Variants in BPIFB1 observed in about 807,000 individuals in gnomAD.
BPIFB1 encodes the protein BPI fold containing family B member 1.
BPIFB1 carries 34 observed loss-of-function variants against 55.1 expected under a neutral mutation model. That is an observed-to-expected ratio of 0.62 (90% CI 0.47 to 0.82). The LOEUF is 0.82. Among genes scored for constraint, BPIFB1 ranks in the 40% least tolerant of loss-of-function variants. The probability of loss-of-function intolerance (pLI) is 0.00; values close to 1 mark genes in which losing one functional copy is unlikely to be tolerated. For missense variants in BPIFB1, 532 were observed against 593.1 expected (o/e 0.90, Z 1.07); for synonymous variants, 236 against 245.3 (o/e 0.96, Z 0.35).
chr20:33,296,772 A>C (rs1316348419), intron 6 of BPIFB1, among the ~76,000 whole-genome samples: 1 of 152,224 alleles, frequency 6.6e-6, no homozygotes, highest in Admixed American at 6.5e-5. Context: ...CCAGTGAGCA[A>C]AGGGATGTGT....
In BPIFB1 at chr20:33,291,126, A is replaced by G. The variant is rs1980458507; in HGVS notation, c.515+20A>G. On this transcript the variant is annotated intron_variant, in intron 5 of 15. Coordinates refer to ENST00000253354, the MANE Select transcript of BPIFB1 (RefSeq NM_033197.3). Reference sequence around the variant, plus strand: ...GCATAAGTGAGTGTCGCTGGCCACCAGCCGGGCTCCCATCCTGCCTGGAAG... The same window carrying G: ...GCATAAGTGAGTGTCGCTGGCCACCGGCCGGGCTCCCATCCTGCCTGGAAG... 6.2e-7 allele frequency: 1 copy of G among 1,606,348 alleles called. No homozygotes were observed. Among genetic ancestry groups the G allele is most frequent in the Non-Finnish European group, 8.5e-7 (1 of 1,179,710 alleles).
At chr20:33,289,395 C>A (rs58573908) in intron 3 of BPIFB1, among the ~76,000 whole-genome samples, 26,427 of 102,036 alleles carry the variant, frequency 0.26, 2,530 homozygotes, top group African/African-American at 0.32. Context: ...AAAAAAAAAA[C>A]AAAAAAAAAA....
intron 6 of BPIFB1, among the ~76,000 whole-genome samples, chr20:33,295,524 G>A (rs1980608187): frequency 6.6e-6 from 1 of 151,776 alleles, no homozygotes; most frequent in South Asian, 2.1e-4. Flanking sequence ...GAGAATCAGA[G>A]AGGATGAGGC....
chr20:33,295,468 T>A (rs1980606304), intron 6 of BPIFB1, among the ~76,000 whole-genome samples: 1 of 151,380 alleles, frequency 6.6e-6, no homozygotes, highest in African/African-American at 2.4e-5. Context: ...TAGCCAGACA[T>A]GGTGGTGGGC....
intron 11 of BPIFB1, among the ~76,000 whole-genome samples, 199 bp from the exon 12 acceptor site, chr20:33,303,759 T>C (rs1053340803): frequency 6.6e-6 from 1 of 152,166 alleles, no homozygotes; most frequent in Non-Finnish European, 1.5e-5. Context: ...GCCTAGACTG[T>C]CATCTGTTAA....
chr20:33,297,443 GTGGGC>G, intron 6 of BPIFB1, 77 bp from the exon 7 acceptor site: 1 of 1,473,894 alleles, frequency 6.8e-7, no homozygotes, highest in East Asian at 2.3e-5. Flanking sequence ...CACAGGCCAG[GTGGGC>G]TGGGCACAGC....
intron 15 of BPIFB1, 39 bp downstream of exon 15, chr20:33,307,026 G>A (rs1981053121): frequency 1.9e-6 from 3 of 1,584,822 alleles, no homozygotes; most frequent in Non-Finnish European, 1.7e-6. Flanking sequence ...CCCCAGGGAG[G>A]GCACAGCCAC....
chr20:33,306,287 G>A (rs2146536476), intron 14 of BPIFB1, among the ~76,000 whole-genome samples: 1 of 152,316 alleles, frequency 6.6e-6, no homozygotes, highest in South Asian at 2.1e-4. Context: ...CAGACTTGCA[G>A]GGCTGGAAGG....
At chr20:33,286,782 G>C (rs1374125707) in intron 2 of BPIFB1, among the ~76,000 whole-genome samples, 7 of 152,224 alleles carry the variant, frequency 4.6e-5, no homozygotes, top group Non-Finnish European at 2.9e-5. Flanking sequence ...ATTATGGGGG[G>C]TGTCCTGGGC....
chr20:33,291,411 G>T (rs1980468667), intron 5 of BPIFB1, among the ~76,000 whole-genome samples: 2 of 152,166 alleles, frequency 1.3e-5, no homozygotes, highest in African/African-American at 4.8e-5. Flanking sequence ...GGAGCCAGGG[G>T]CAAAAACATA....
chr20:33,296,132 G>C (rs1448507820), intron 6 of BPIFB1, among the ~76,000 whole-genome samples: 1 of 152,208 alleles, frequency 6.6e-6, no homozygotes, highest in Non-Finnish European at 1.5e-5. Context: ...GAAGTAACTG[G>C]TCTGGGTGGG....
chr20:33,293,076 C>A (rs370711223), intron 6 of BPIFB1, among the ~76,000 whole-genome samples: 2 of 152,208 alleles, frequency 1.3e-5, no homozygotes, highest in African/African-American at 2.4e-5. Context: ...TGAGCACCAC[C>A]AGGCATGGCT....
At chr20:33,285,131 G>T (rs1980222484) in intron 1 of BPIFB1, among the ~76,000 whole-genome samples, 1 of 152,130 alleles carries the variant, frequency 6.6e-6, no homozygotes, top group Non-Finnish European at 1.5e-5. Context: ...ACAAATCTTG[G>T]CAGGGTTTTA....
intron 12 of BPIFB1, 82 bp from the exon 13 acceptor site, chr20:33,304,764 G>C (rs1380202798): frequency 1.9e-6 from 3 of 1,545,906 alleles, no homozygotes; most frequent in Non-Finnish European, 2.7e-6. Context: ...CATAATAGGT[G>C]CTCAATAAAT....
At chr20:33,295,890 G>A (rs1980636354) in intron 6 of BPIFB1, among the ~76,000 whole-genome samples, 1 of 138,150 alleles carries the variant, frequency 7.2e-6, no homozygotes, top group Non-Finnish European at 1.5e-5. Flanking sequence ...AGGGAAGGAA[G>A]GAAAGAAGGA....
At chr20:33,297,676 G>T in intron 7 of BPIFB1, 88 bp downstream of exon 7, 1 of 1,402,702 alleles carries the variant, frequency 7.1e-7, no homozygotes, top group Admixed American at 1.7e-5. Flanking sequence ...GCCTCCCCAA[G>T]TCAGGCCTGA....
chr20:33,308,561 T>A (rs1349991776), intron 15 of BPIFB1, among the ~76,000 whole-genome samples: 1 of 131,724 alleles, frequency 7.6e-6, no homozygotes, highest in Non-Finnish European at 1.6e-5. Flanking sequence ...TATACACCTA[T>A]ACACATACAT....
intron 6 of BPIFB1, among the ~76,000 whole-genome samples, chr20:33,293,932 C>A (rs1980553546): frequency 6.6e-6 from 1 of 152,104 alleles, no homozygotes; most frequent in African/African-American, 2.4e-5. Flanking sequence ...TATTTTTCTC[C>A]AAGTTGGCTT....
chr20:33,292,784 A>C (rs1363686354), intron 6 of BPIFB1, among the ~76,000 whole-genome samples: 1 of 152,232 alleles, frequency 6.6e-6, no homozygotes, highest in East Asian at 1.9e-4. Flanking sequence ...TTGTAAATTG[A>C]ATTCATCCAC....
Sources: allele counts gnomAD v4.1 joint callset (sites outside exome capture counted in the v4.1 genomes callset), GRCh38; gene constraint gnomAD v4.1.1; transcripts MANE v1.5; gene names NCBI Gene and HGNC (gene_info 2026-07-23, HGNC 2026-07-21).